Variants in RBFOX2 observed in about 807,000 individuals in gnomAD.
The protein encoded by RBFOX2 is RNA binding fox-1 homolog 2.
In RBFOX2, 10 loss-of-function variants were observed where a neutral mutation model predicts 49.1. The observed-to-expected ratio is 0.20, with a 90% CI of 0.13 to 0.35. The LOEUF (loss-of-function observed/expected upper bound fraction) is 0.35. Among genes scored for constraint, RBFOX2 ranks in the 10% least tolerant of loss-of-function variants. RBFOX2 has a pLI of 1.00. For synonymous variants in RBFOX2, 183 were observed against 187.4 expected (o/e 0.98, Z 0.19); for missense variants, 323 against 486.9 (o/e 0.66, Z 3.17).
intron 1 of RBFOX2, among the ~76,000 whole-genome samples, chr22:35,815,770 T>C (rs1952903803): frequency 6.6e-6 from 1 of 152,224 alleles, no homozygotes; most frequent in Non-Finnish European, 1.5e-5. Context: ...TATTTATAAA[T>C]GGAAATTAAT....
chr22:35,761,159 C>G, intron 8 of RBFOX2, 43 bp downstream of exon 9: 2 of 1,546,438 alleles, frequency 1.3e-6, no homozygotes, highest in African/African-American at 2.7e-5. Flanking sequence ...ATAGTTCACT[C>G]ACAACAGTCA....
intron 2 of RBFOX2, among the ~76,000 whole-genome samples, chr22:35,783,546 G>T (rs530492358): frequency 6.6e-6 from 1 of 152,044 alleles, no homozygotes; most frequent in Non-Finnish European, 1.5e-5. Flanking sequence ...GCGAGTTTGG[G>T]GGGGCACAGC....
At chr22:35,808,142 A>T in intron 2 of RBFOX2, among the ~76,000 whole-genome samples, 1 of 152,176 alleles carries the variant, frequency 6.6e-6, no homozygotes, top group East Asian at 1.9e-4. Flanking sequence ...TTTAATTGAA[A>T]CAGTTATTCT....
chr22:35,912,280 G>C (rs1249311505), intron 1 of RBFOX2, among the ~76,000 whole-genome samples: 1 of 152,184 alleles, frequency 6.6e-6, no homozygotes, highest in Non-Finnish European at 1.5e-5. Context: ...GAGAGGAAGG[G>C]AGAAGAACAT....
intron 1 of RBFOX2, among the ~76,000 whole-genome samples, chr22:35,985,114 G>A (rs551712343): frequency 6.6e-6 from 1 of 152,126 alleles, no homozygotes; most frequent in Non-Finnish European, 1.5e-5. Flanking sequence ...GGTCCCTCAA[G>A]ACCAAATCAA....
At chr22:35,840,880 T>C (rs1330739498), upstream of RBFOX2, among the ~76,000 whole-genome samples, 1 of 152,200 alleles carries the variant, frequency 6.6e-6, no homozygotes, top group African/African-American at 2.4e-5. Flanking sequence ...ATGCAGTGGA[T>C]TTAACAAGAA....
At chr22:35,965,270 A>G (rs185216828), upstream of RBFOX2, among the ~76,000 whole-genome samples, 708 of 152,296 alleles carry the variant, frequency 4.6e-3, 3 homozygotes, top group African/African-American at 0.016. Context: ...GAATTTTACT[A>G]AGGCCAGGTT....
intron 2 of RBFOX2, among the ~76,000 whole-genome samples, chr22:35,795,459 G>C (rs1948614836): frequency 6.6e-6 from 1 of 151,910 alleles, no homozygotes; most frequent in Admixed American, 6.6e-5. Context: ...TTGGGCAAAT[G>C]ATCCCACTGT....
chr22:35,748,708 T>G (rs1203589182), intron 9 of RBFOX2: 1 of 152,166 alleles, frequency 6.6e-6, no homozygotes, highest in East Asian at 1.9e-4. Context: ...CAAAGTAACA[T>G]TAAAAAAATT....
intron 1 of RBFOX2, among the ~76,000 whole-genome samples, chr22:35,925,140 C>T (rs958698465): frequency 4.0e-5 from 6 of 151,614 alleles, no homozygotes; most frequent in Non-Finnish European, 8.8e-5. Context: ...TGCAGTGAGC[C>T]GAGATCCAGC....
At chr22:35,924,524 C>G (rs1004708059) in intron 1 of RBFOX2, among the ~76,000 whole-genome samples, 1 of 152,218 alleles carries the variant, frequency 6.6e-6, no homozygotes, top group Admixed American at 6.5e-5. Flanking sequence ...GTAAGAGGCA[C>G]TCTCTTGCTG....
At chr22:35,894,655 A>G (rs1206490714) in intron 1 of RBFOX2, among the ~76,000 whole-genome samples, 3 of 152,144 alleles carry the variant, frequency 2.0e-5, no homozygotes, top group Non-Finnish European at 4.4e-5. Context: ...CAATGTCACA[A>G]TCACCGCTAG....
intron 1 of RBFOX2, among the ~76,000 whole-genome samples, chr22:35,879,050 AT>A (rs1296273442): frequency 6.6e-6 from 1 of 152,198 alleles, no homozygotes; most frequent in African/African-American, 2.4e-5. Context: ...TTTTTATAAT[AT>A]TTAGAAGATA....
chr22:35,889,144 G>A (rs2046953177), intron 1 of RBFOX2, among the ~76,000 whole-genome samples: 1 of 152,026 alleles, frequency 6.6e-6, no homozygotes, highest in South Asian at 2.1e-4. Flanking sequence ...GACAAAGCAA[G>A]ACTCCATCTC....
intron 1 of RBFOX2, among the ~76,000 whole-genome samples, chr22:36,027,777 C>T (rs982217360): frequency 1.3e-5 from 2 of 152,114 alleles, no homozygotes; most frequent in African/African-American, 4.8e-5. Flanking sequence ...CTTTTCACTC[C>T]TCTCATTGAA....
In RBFOX2 at chr22:35,761,389, A is replaced by G. The variant is rs1938802022; in HGVS notation, c.661+26T>C. 4 of 1,613,172 alleles carry G rather than the reference A, an allele frequency of 2.5e-6. No individual in the cohort carries two copies. In the Admixed American group the frequency reaches 6.7e-5, roughly 27 times the overall value. On this transcript the variant is annotated intron_variant, in intron 7 of 11. Transcript: ENST00000405409. ...GATGCTATTACAATTAAATAGCACAAGTGGAAACATTTACTTAAATACTAC... is the reference window on the plus strand; with the variant it reads ...GATGCTATTACAATTAAATAGCACAGGTGGAAACATTTACTTAAATACTAC...
rs148019288 is a variant in RBFOX2, at chr22:35,933,104, T to C, written c.-34+5743A>G. ...ATTCAGAGAGACACTGACAGACAAA[T>C]ACAAAAGGGAAATACAAGACATGGA... On this transcript the variant is annotated intron_variant, in intron 1 of 13. Coordinates refer to the RBFOX2 transcript ENST00000359369. Among the ~76,000 whole-genome samples the C allele has an allele frequency of 6.1e-4, 93 of 152,208 alleles. 1 individual carries two copies. Among genetic ancestry groups the C allele is most frequent in the African/African-American group, 1.9e-3 (81 of 41,544 alleles).
intron 1 of RBFOX2, among the ~76,000 whole-genome samples, chr22:35,971,926 A>C (rs902533444): frequency 3.3e-5 from 5 of 150,916 alleles, no homozygotes; most frequent in African/African-American, 7.3e-5. Context: ...AAAAAAAAAA[A>C]AAAAAAAAAA....
intron 1 of RBFOX2, chr22:35,821,723 G>A (rs1040033181): frequency 7.1e-5 from 37 of 517,856 alleles, no homozygotes; most frequent in African/African-American, 6.6e-4. Context: ...CAGGCCAGAG[G>A]CTGCCATTAG....
Sources: gnomAD v4.1 joint callset for allele counts (sites outside exome capture counted in the v4.1 genomes callset) on GRCh38, gnomAD v4.1.1 for gene constraint, MANE v1.5 for transcripts, NCBI Gene and HGNC (gene_info 2026-07-23, HGNC 2026-07-21) for gene names.